PRKG1: variants seen among roughly 807,000 people sequenced by gnomAD.
PRKG1 encodes cGMP-dependent protein kinase 1.
Under a neutral mutation model 88.1 loss-of-function variants are expected in PRKG1, and 35 were observed. The observed-to-expected ratio is 0.40, with a 90% CI of 0.30 to 0.53. The LOEUF (loss-of-function observed/expected upper bound fraction) is 0.53, where lower values mean the gene tolerates loss of function less well. PRKG1 is among the 20% of genes least tolerant of loss of function. The pLI is 0.59. For missense variants in PRKG1, 540 were observed against 839.8 expected (o/e 0.64, Z 4.41); for synonymous variants, 303 against 292.5 (o/e 1.04, Z -0.37).
intron 9 of PRKG1, among the ~76,000 whole-genome samples, chr10:52,200,245 G>A (rs1330549842): frequency 6.6e-6 from 1 of 152,000 alleles, no homozygotes; most frequent in Non-Finnish European, 1.5e-5. Flanking sequence ...GGTGTCTATT[G>A]TTCCCTTCTT....
intron 3 of PRKG1, among the ~76,000 whole-genome samples, chr10:51,692,595 G>A (rs1183120602): frequency 6.6e-6 from 1 of 152,096 alleles, no homozygotes; most frequent in Non-Finnish European, 1.5e-5. Context: ...ATTAAGGTGA[G>A]TCTGTAGGAT....
At chr10:51,507,930 A>G (rs1362819638) in intron 3 of PRKG1, among the ~76,000 whole-genome samples, 1 of 152,094 alleles carries the variant, frequency 6.6e-6, no homozygotes, top group African/African-American at 2.4e-5. Flanking sequence ...AAACAGTTAA[A>G]CATGTGTAAT....
intron 4 of PRKG1, among the ~76,000 whole-genome samples, chr10:51,839,707 TTACCTTATGGCAGAAG>T (rs1840221151): frequency 6.6e-6 from 1 of 152,172 alleles, no homozygotes; most frequent in Non-Finnish European, 1.5e-5. Flanking sequence ...GAATTATTCT[TTACCTTATGGCAGAAG>T]CATGCCTTCC....
chr10:51,142,256 T>C (rs1459768871), intron 1 of PRKG1, among the ~76,000 whole-genome samples: 1 of 152,058 alleles, frequency 6.6e-6, no homozygotes, highest in Non-Finnish European at 1.5e-5. Flanking sequence ...GTAAAACCCA[T>C]AAAGCATGCT....
intron 7 of PRKG1, among the ~76,000 whole-genome samples, chr10:52,112,848 T>C (rs529530903): frequency 9.9e-5 from 15 of 152,272 alleles, no homozygotes; most frequent in African/African-American, 3.1e-4. Flanking sequence ...CTTATGAAAT[T>C]ATGACTACGG....
chr10:51,122,871 A>C (rs949444330), intron 1 of PRKG1, among the ~76,000 whole-genome samples: 1 of 152,192 alleles, frequency 6.6e-6, no homozygotes, highest in Non-Finnish European at 1.5e-5. Flanking sequence ...TTCCTGTCTC[A>C]GTAAATGCTC....
chr10:52,086,935 G>T (rs1158897316), intron 7 of PRKG1, among the ~76,000 whole-genome samples: 1 of 152,108 alleles, frequency 6.6e-6, no homozygotes, highest in Non-Finnish European at 1.5e-5. Context: ...GAGAAGTGCC[G>T]AGTAAAAGGG....
At chr10:52,280,963 C>A (rs1564544178) in intron 13 of PRKG1, 33 bp downstream of exon 13, 1 of 1,585,576 alleles carries the variant, frequency 6.3e-7, no homozygotes, top group Non-Finnish European at 8.6e-7. Flanking sequence ...TTCTGCCCTG[C>A]AGATTAAAAA....
chr10:51,003,787 G>T (rs995949135), intron 1 of PRKG1, among the ~76,000 whole-genome samples: 1 of 152,056 alleles, frequency 6.6e-6, no homozygotes, highest in African/African-American at 2.4e-5. Context: ...CTTATTTGGA[G>T]GGTTTTATTT....
chr10:51,474,393 T>C (rs991156341), intron 3 of PRKG1, among the ~76,000 whole-genome samples: 2 of 151,996 alleles, frequency 1.3e-5, no homozygotes, highest in African/African-American at 4.8e-5. Context: ...TGTTATGGTT[T>C]CGAAAATTTT....
At chr10:52,238,463 C>A (rs534469668) in intron 9 of PRKG1, among the ~76,000 whole-genome samples, 63 of 151,960 alleles carry the variant, frequency 4.1e-4, no homozygotes, top group Admixed American at 1.2e-3. Context: ...TGAACTCAAA[C>A]AAATTTACAA....
intron 10 of PRKG1, among the ~76,000 whole-genome samples, chr10:52,270,420 C>G (rs1841689586): frequency 6.6e-6 from 1 of 151,990 alleles, no homozygotes; most frequent in Non-Finnish European, 1.5e-5. Context: ...CACATGCACA[C>G]GTATGTTTAT....
chr10:51,350,211 C>T (rs1368486151), intron 2 of PRKG1, among the ~76,000 whole-genome samples: 1 of 152,170 alleles, frequency 6.6e-6, no homozygotes, highest in East Asian at 1.9e-4. Flanking sequence ...CACATGGCCT[C>T]AGCCAGTCCA....
At chr10:51,580,008 G>A (rs1422050389) in intron 3 of PRKG1, among the ~76,000 whole-genome samples, 1 of 151,882 alleles carries the variant, frequency 6.6e-6, no homozygotes, top group African/African-American at 2.4e-5. Context: ...TACCTCTCTG[G>A]AAGTAATAAC....
At chr10:51,577,002 T>TA (rs1197574532) in intron 3 of PRKG1, among the ~76,000 whole-genome samples, 67 of 152,096 alleles carry the variant, frequency 4.4e-4, no homozygotes, top group African/African-American at 1.3e-3. Context: ...AATACTTTTT[T>TA]AAAAAATAGA....
intron 5 of PRKG1, among the ~76,000 whole-genome samples, chr10:51,946,435 C>T (rs1021303957): frequency 8.6e-5 from 13 of 152,010 alleles, no homozygotes; most frequent in Admixed American, 3.3e-4. Flanking sequence ...GTAGTTTGAT[C>T]GCCTGAAGCC....
intron 2 of PRKG1, among the ~76,000 whole-genome samples, chr10:51,370,292 C>T (rs374310458): frequency 3.9e-5 from 6 of 152,166 alleles, no homozygotes; most frequent in African/African-American, 9.6e-5. Flanking sequence ...AAGATGTAAA[C>T]GCTCCCTGGG....
chr10:52,251,456 G>A lies in PRKG1; in HGVS notation c.1077-114G>A. The A allele has an allele frequency of 5.2e-6, 4 of 770,594 alleles. No homozygotes were observed. In the South Asian group the frequency reaches 6.9e-5, roughly 13 times the overall value. The allele number at this position is 770,594 out of a possible 1,614,324, so 47.7% of individuals were successfully genotyped here. On this transcript the variant is annotated intron_variant, in intron 9 of 17. Coordinates refer to ENST00000373980, the MANE Select transcript of PRKG1 (RefSeq NM_006258.4). ...AAAACACAAACTCTAAAAGCAAGAT[G>A]GAATGTAAGCAGGTAAACCCTGTTC...
At chr10:52,266,279 G>A (rs1482439400) in intron 10 of PRKG1, among the ~76,000 whole-genome samples, 8 of 151,724 alleles carry the variant, frequency 5.3e-5, no homozygotes, top group African/African-American at 4.8e-5. Flanking sequence ...AGGTAAACAT[G>A]TACCATGATG....
Sources: gnomAD v4.1 joint callset for allele counts (sites outside exome capture counted in the v4.1 genomes callset) on GRCh38, gnomAD v4.1.1 for gene constraint, MANE v1.5 for transcripts, NCBI Gene and HGNC (gene_info 2026-07-23, HGNC 2026-07-21) for gene names.